INTS9: variants seen among roughly 807,000 people sequenced by gnomAD.
INTS9 encodes the protein protein related to CPSF subunits of 74 kDa.
In INTS9, 55 loss-of-function variants were observed where a neutral mutation model predicts 79.7. That is an observed-to-expected ratio of 0.69 (90% CI 0.56 to 0.86). INTS9 has a LOEUF of 0.86. Among genes scored for constraint, INTS9 ranks in the 40% least tolerant of loss-of-function variants. INTS9 has a pLI of 0.00. For missense variants in INTS9, 721 were observed against 831.5 expected, an observed-to-expected ratio of 0.87 and a Z score of 1.64; for synonymous variants, 319 against 325.2, an observed-to-expected ratio of 0.98 and a Z score of 0.20.
In INTS9 at chr8:28,873,101, TA is replaced by T. The variant is rs568761167; in HGVS notation, c.10-13539del. 4.4e-3 allele frequency among the ~76,000 whole-genome samples: 674 copies of T among 152,258 alleles called. 6 individuals carry two copies. Among genetic ancestry groups the T allele is most frequent in the African/African-American group, 0.016 (644 of 41,548 alleles). On this transcript the variant is annotated intron_variant, in intron 1 of 16. Transcript: ENST00000521022. Reference sequence around the variant, plus strand: ...TGAGAAAAGTTTTCTAAAAATGTGTTAAAAAAATAGAAGCTTTCTTTTACTT... The same window carrying T: ...TGAGAAAAGTTTTCTAAAAATGTGTTAAAAAATAGAAGCTTTCTTTTACTT...
At chr8:28,883,265 A>G (rs1809995183) in intron 1 of INTS9, among the ~76,000 whole-genome samples, 1 of 152,218 alleles carries the variant, frequency 6.6e-6, no homozygotes, top group South Asian at 2.1e-4. Context: ...ATCTTTTACA[A>G]GCTTCCTTTT....
At chr8:28,872,777 C>G (rs931471509) in intron 1 of INTS9, among the ~76,000 whole-genome samples, 3 of 152,210 alleles carry the variant, frequency 2.0e-5, no homozygotes, top group African/African-American at 7.2e-5. Context: ...TAACTCAGCA[C>G]ATCATTTACA....
chr8:28,809,483 C>G (rs59825966), intron 8 of INTS9, among the ~76,000 whole-genome samples: 1 of 152,032 alleles, frequency 6.6e-6, no homozygotes, highest in Admixed American at 6.5e-5. Flanking sequence ...TAATTTTTTT[C>G]TTTTTTACAT....
chr8:28,812,402 G>A lies in INTS9; in HGVS notation c.669C>T (p.Ser223=), dbSNP rs111893599. The change falls in exon 8 of 17, where the codon TCC becomes TCT. Residue 223 remains serine, a synonymous_variant. Transcript: ENST00000521022. Reference sequence around the variant, plus strand: ...CGTAATGAGACTGGATGATCCAGTTGGAGCTCCCAAGGGCATAGCCAGAGC... The same window carrying A: ...CGTAATGAGACTGGATGATCCAGTTAGAGCTCCCAAGGGCATAGCCAGAGC... ...PLSSGYALGS[S]NWIIQSHYEK... 2 of 1,613,694 alleles carry A rather than the reference G, an allele frequency of 1.2e-6. No homozygotes were observed. Among genetic ancestry groups the A allele is most frequent in the South Asian group, 2.2e-5 (2 of 91,074 alleles).
intron 8 of INTS9, among the ~76,000 whole-genome samples, chr8:28,806,297 T>C (rs1018712851): frequency 6.6e-6 from 1 of 152,160 alleles, no homozygotes; most frequent in Non-Finnish European, 1.5e-5. Flanking sequence ...TAGCTTTTAA[T>C]GCAGTTTTTA....
chr8:28,831,226 C>T (rs369474533), intron 6 of INTS9, among the ~76,000 whole-genome samples: 114 of 152,320 alleles, frequency 7.5e-4, no homozygotes, highest in Non-Finnish European at 1.4e-3. Flanking sequence ...CCAAACACCG[C>T]GTGTTCTCAC....
chr8:28,777,696 G>C, intron 13 of INTS9, 133 bp downstream of exon 13: 1 of 1,017,760 alleles, frequency 9.8e-7, no homozygotes, highest in Non-Finnish European at 1.3e-6. Context: ...ATGTGTCCCA[G>C]CATTCTGCAG....
chr8:28,857,475 G>A (rs1391364481), intron 2 of INTS9, among the ~76,000 whole-genome samples: 5 of 151,980 alleles, frequency 3.3e-5, no homozygotes. Flanking sequence ...GTTTAGAAAT[G>A]CTGAAGGGGA....
At chr8:28,840,866 C>A (rs1343516834) in intron 4 of INTS9, among the ~76,000 whole-genome samples, 1 of 150,512 alleles carries the variant, frequency 6.6e-6, no homozygotes, top group South Asian at 2.1e-4. Flanking sequence ...GGGTGCAGTA[C>A]GCCAGCATGG....
chr8:28,859,575 T>TA lies in INTS9; in HGVS notation c.10-13dup. 6.2e-7 allele frequency: 1 copy of TA among 1,613,574 alleles called. No homozygotes were observed. The highest frequency in any genetic ancestry group is 8.5e-7 in the Non-Finnish European group (1 of 1,179,546). ...CCTGACAGGCAATACTGAAAAAAAT[T>TA]AAATCACTTTGATCAGTAATCAATT... On this transcript the variant is annotated splice_polypyrimidine_tract_variant and intron_variant, in intron 1 of 16. Coordinates refer to ENST00000521022, the MANE Select transcript of INTS9 (RefSeq NM_018250.4).
chr8:28,872,661 G>A (rs1375414660), intron 1 of INTS9, among the ~76,000 whole-genome samples: 2 of 152,150 alleles, frequency 1.3e-5, no homozygotes, highest in Non-Finnish European at 2.9e-5. Flanking sequence ...ATGATGGCCT[G>A]AGCTGGTAGT....
chr8:28,853,967 C>T (rs543474981), intron 2 of INTS9, among the ~76,000 whole-genome samples: 20 of 152,174 alleles, frequency 1.3e-4, no homozygotes, highest in South Asian at 4.1e-4. Context: ...GATCTGCCCG[C>T]GCCTCAGCCT....
intron 1 of INTS9, among the ~76,000 whole-genome samples, chr8:28,861,115 C>T (rs758485717): frequency 2.6e-5 from 4 of 152,206 alleles, no homozygotes; most frequent in South Asian, 2.1e-4. Flanking sequence ...AAGGCACTTA[C>T]GATAAAAACA....
chr8:28,878,628 G>GT (rs796246272), intron 1 of INTS9, among the ~76,000 whole-genome samples: 2,268 of 132,282 alleles, frequency 0.017, 32 homozygotes, highest in African/African-American at 0.04. Context: ...GGCCTTCACT[G>GT]TTTTTTTTTT....
chr8:28,829,055 A>G (rs1446942463), intron 6 of INTS9, among the ~76,000 whole-genome samples: 1 of 152,240 alleles, frequency 6.6e-6, no homozygotes, highest in Non-Finnish European at 1.5e-5. Flanking sequence ...TGCCATAAAA[A>G]TTCAGCCAAG....
In INTS9 at chr8:28,768,029, A is replaced by T. The variant is rs1171454736; in HGVS notation, c.*117T>A. 2.2e-6 allele frequency: 2 copies of T among 928,308 alleles called. No homozygotes were observed. The highest frequency in any genetic ancestry group is 3.6e-5 in the Admixed American group (2 of 55,844). 57.5% of individuals were successfully genotyped at this position (928,308 alleles called of 1,614,324 possible). On this transcript the variant is annotated 3_prime_UTR_variant, in exon 17 of 17. Coordinates refer to ENST00000521022, the MANE Select transcript of INTS9 (RefSeq NM_018250.4). Reference sequence around the variant, plus strand: ...TCAAGAGCCACCTCTTCACTCCTTAAGCCAGAGGACACCACAAAGACACAG... The same window carrying T: ...TCAAGAGCCACCTCTTCACTCCTTATGCCAGAGGACACCACAAAGACACAG...
Position 28,885,057 on chromosome 8 carries a change from C to T in INTS9, c.9+4817G>A, listed in dbSNP as rs79486729. ...CTTCTACATAATCTACAATTGCACT[C>T]GGTGTTTTACTTGTCTTCCACTGGG... On this transcript the variant is annotated intron_variant, in intron 1 of 16. Transcript: ENST00000521022. 5.3e-3 allele frequency among the ~76,000 whole-genome samples: 803 copies of T among 152,266 alleles called. 4 individuals are homozygous for T. Among genetic ancestry groups the T allele is most frequent in the African/African-American group, 0.018 (756 of 41,548 alleles).
chr8:28,862,921 A>G (rs1320442955), intron 1 of INTS9, among the ~76,000 whole-genome samples: 3 of 152,192 alleles, frequency 2.0e-5, no homozygotes, highest in Non-Finnish European at 1.5e-5. Flanking sequence ...ACTCAGTGTT[A>G]ATGTGTGATT....
intron 1 of INTS9, among the ~76,000 whole-genome samples, chr8:28,880,150 G>A (rs1809623954): frequency 1.3e-5 from 2 of 151,898 alleles, no homozygotes; most frequent in Non-Finnish European, 2.9e-5. Context: ...AAAAATAGAG[G>A]AAAGAAGACT....
Sources: gnomAD v4.1 joint callset for allele counts (sites outside exome capture counted in the v4.1 genomes callset) on GRCh38, gnomAD v4.1.1 for gene constraint, MANE v1.5 for transcripts, NCBI Gene and HGNC (gene_info 2026-07-23, HGNC 2026-07-21) for gene names.